Variants in ADH6 observed in about 807,000 individuals in gnomAD.
ADH6 encodes alcohol dehydrogenase 6.
ADH6 carries 34 observed loss-of-function variants against 36.5 expected under a neutral mutation model. The observed-to-expected ratio is 0.93, with a 90% CI of 0.71 to 1.24. The LOEUF (loss-of-function observed/expected upper bound fraction) is 1.24. Among genes scored for constraint, ADH6 ranks in the 50% most tolerant of loss-of-function variants. The probability of loss-of-function intolerance (pLI) is 0.00; values close to 1 mark genes in which losing one functional copy is unlikely to be tolerated. For missense variants in ADH6, 440 were observed against 447.0 expected (o/e 0.98, Z 0.14); for synonymous variants, 161 against 155.5 (o/e 1.04, Z -0.26).
chr4:99,213,726 C>T lies in ADH6; in HGVS notation c.142G>A (p.Gly48Ser), dbSNP rs1454130114. ...CTCCCCAACACTTTCATCTCTGTAC[C>T]ACACAGTCCGGTGGCCACAACCTGT... ...RIKVVATGLC[G>S]TEMKVLGSKH... The change falls in exon 3 of 9, where the codon GGT becomes AGT. Residue 48 changes from glycine (G) to serine (S), a missense_variant. Gly to Ser is a moderately conservative substitution (Grantham distance 56, BLOSUM62 0). Coordinates refer to ENST00000394899, the MANE Select transcript of ADH6 (RefSeq NM_001102470.2). 6.2e-7 allele frequency: 1 copy of T among 1,612,184 alleles called. No individual in the cohort carries two copies. Among genetic ancestry groups the T allele is most frequent in the South Asian group, 1.1e-5 (1 of 90,722 alleles).
intron 1 of ADH6, 128 bp downstream of exon 1, chr4:99,219,007 A>G (rs1337120082): frequency 1.2e-6 from 1 of 843,188 alleles, no homozygotes; most frequent in African/African-American, 1.7e-5. Flanking sequence ...GAGGAGAGAT[A>G]CTATGATTAT....
intron 1 of ADH6, among the ~76,000 whole-genome samples, chr4:99,218,009 C>A (rs1013605899): frequency 2.6e-5 from 4 of 152,172 alleles, no homozygotes; most frequent in African/African-American, 9.7e-5. Context: ...TATAAATTCT[C>A]TTTCTGTGTG....
chr4:99,207,756 C>T (rs988980692), intron 6 of ADH6, among the ~76,000 whole-genome samples, 175 bp from the exon 7 acceptor site: 9 of 151,906 alleles, frequency 5.9e-5, no homozygotes, highest in African/African-American at 1.7e-4. Context: ...ACATATAAGA[C>T]GTTGTATGTT....
intron 7 of ADH6, among the ~76,000 whole-genome samples, chr4:99,205,931 T>C (rs533294023): frequency 1.3e-5 from 2 of 152,134 alleles, no homozygotes; most frequent in Non-Finnish European, 2.9e-5. Context: ...CACAAACTCT[T>C]CTAATAGATT....
intron 7 of ADH6, among the ~76,000 whole-genome samples, chr4:99,205,738 C>T (rs1731009286): frequency 6.6e-6 from 1 of 152,054 alleles, no homozygotes; most frequent in Non-Finnish European, 1.5e-5. Context: ...AGTGAGTTAC[C>T]ACACAGACTT....
At chr4:99,217,400 C>T (rs1464431489) in intron 1 of ADH6, among the ~76,000 whole-genome samples, 5 of 152,190 alleles carry the variant, frequency 3.3e-5, no homozygotes, top group African/African-American at 9.6e-5. Flanking sequence ...TCTCTGTTAT[C>T]TATTTTCCCA....
rs1377199548 is a variant in ADH6, at chr4:99,208,894, A to G, written c.602T>C (p.Leu201Pro). The G allele has an allele frequency of 1.9e-6, 3 of 1,613,738 alleles. No individual in the cohort carries two copies. The South Asian group carries it at 3.3e-5, about 18-fold the overall frequency. Reference sequence around the variant, plus strand: ...GACAACAGACAAGCCGACTCCTCCCAGGCCAAACACAGCACAGGTAGAACC... The same window carrying G: ...GACAACAGACAAGCCGACTCCTCCCGGGCCAAACACAGCACAGGTAGAACC... ...TPGSTCAVFG[L>P]GGVGLSVVMG... is the part of the protein sequence containing the mutation. Residue 201 changes from leucine (L) to proline (P), a missense_variant, in exon 6 of 9, where the codon CTG becomes CCG. Physicochemically the swap from Leu to Pro is moderately conservative, Grantham distance 98. Transcript: ENST00000394899.
Position 99,210,170 on chromosome 4 carries a change from T to C in ADH6, c.479A>G (p.Lys160Arg), listed in dbSNP as rs779163353. 2 of 1,613,848 alleles carry C rather than the reference T, an allele frequency of 1.2e-6. No homozygotes were observed. The highest frequency in any genetic ancestry group is 1.7e-6 in the Non-Finnish European group (2 of 1,179,838). The change falls in exon 5 of 9, where the codon AAG (lysine) becomes AGG (arginine). Residue 160 changes from lysine to arginine, a missense_variant. Physicochemically the swap from Lys to Arg is conservative, Grantham distance 26. Transcript: ENST00000394899. Reference sequence around the variant, plus strand: ...CTCTAGAGGAGCGACTGCATCAATCTTGGCAACTGAGATTTCCTTTATCAC... The same window carrying C: ...CTCTAGAGGAGCGACTGCATCAATCCTGGCAACTGAGATTTCCTTTATCAC... ...YTVIKEISVA[K>R]IDAVAPLEKV...
At chr4:99,209,484 T>G (rs1489973392) in intron 5 of ADH6, among the ~76,000 whole-genome samples, 3 of 152,118 alleles carry the variant, frequency 2.0e-5, no homozygotes, top group African/African-American at 7.2e-5. Context: ...GTTCTAAAAT[T>G]CAACAGCACC....
At chr4:99,215,180 G>A (rs943725095) in intron 2 of ADH6, among the ~76,000 whole-genome samples, 1 of 152,144 alleles carries the variant, frequency 6.6e-6, no homozygotes, top group South Asian at 2.1e-4. Context: ...GAGTGGATGC[G>A]AACAACCCAA....
intron 7 of ADH6, 30 bp from the exon 8 acceptor site, chr4:99,205,093 C>A: frequency 6.5e-7 from 1 of 1,540,942 alleles, no homozygotes; most frequent in Non-Finnish European, 8.7e-7. Context: ...ATGAATTTTA[C>A]ACATGAGGCT....
Position 99,205,031 on chromosome 4 carries a change from C to A in ADH6, c.997G>T (p.Val333Phe). The change falls in exon 8 of 9, where the codon GTT (valine) becomes TTT (phenylalanine). Residue 333 changes from valine to phenylalanine, a missense_variant. Physicochemically the swap from Val to Phe is conservative, Grantham distance 50. Coordinates refer to ENST00000394899, the MANE Select transcript of ADH6 (RefSeq NM_001102470.2). ...AACTTCTCTGCCATATAATCAGCAA[C>A]CAGTTTAGGGATGTGCTGTCTGCTC... is the stretch of plus-strand genomic sequence containing the variant. The part of the protein sequence containing the change: ...WKSRQHIPKL[V>F]ADYMAEKLNL... The A allele has an allele frequency of 6.2e-7, 1 of 1,605,662 alleles. No individual in the cohort carries two copies. The highest frequency in any genetic ancestry group is 8.5e-7 in the Non-Finnish European group (1 of 1,176,110).
rs931369660 is a variant in ADH6, at chr4:99,202,729, C to T, written c.*1490G>A. 6 of 397,954 alleles carry T rather than the reference C, an allele frequency of 1.5e-5. No individual in the cohort carries two copies. The highest frequency in any genetic ancestry group is 4.4e-5 in the Admixed American group (1 of 22,684). 24.7% of individuals were successfully genotyped at this position (397,954 alleles called of 1,614,324 possible). A position where few individuals can be genotyped will look rare whatever the true frequency, so the allele number is the denominator to read the frequency against. ...GGGAAAACTTGGATTTCCCAAGACC[C>T]GAAGACTCCTCCAAGTTCTCACTGT... On this transcript the variant is annotated 3_prime_UTR_variant, in exon 9 of 9. Transcript: ENST00000394899.
intron 6 of ADH6, 87 bp downstream of exon 6, chr4:99,208,581 G>C: frequency 7.0e-7 from 1 of 1,426,778 alleles, no homozygotes; most frequent in Non-Finnish European, 9.5e-7. Context: ...GAGCAAAGTG[G>C]AGGGAATTTT....
At chr4:99,204,617 G>T in intron 8 of ADH6, 1 of 1,168,116 alleles carries the variant, frequency 8.6e-7, no homozygotes, top group Non-Finnish European at 1.1e-6. Flanking sequence ...TTAAACTTGA[G>T]CTACAATTTT....
At chr4:99,210,778 G>GT (rs1731199454) in intron 3 of ADH6, among the ~76,000 whole-genome samples, 1 of 152,232 alleles carries the variant, frequency 6.6e-6, no homozygotes, top group African/African-American at 2.4e-5. Flanking sequence ...GTATGAAATA[G>GT]TTTTTTGTCA....
Position 99,204,650 on chromosome 4 carries a change from G to A in ADH6, c.1103+275C>T, listed in dbSNP as rs1730955168. The A allele has an allele frequency of 4.2e-6, 5 of 1,190,014 alleles. No homozygotes were observed. In the South Asian group the frequency reaches 1.7e-4, roughly 42 times the overall value. 73.7% of individuals were successfully genotyped at this position (1,190,014 alleles called of 1,614,324 possible). On this transcript the variant is annotated intron_variant, in intron 8 of 8. Transcript: ENST00000394899. ...TTTATAAGCTGACTTCCATTAATAT[G>A]TCATGTAAAAAAAAAATCCATATTG...
intron 5 of ADH6, 116 bp from the exon 6 acceptor site, chr4:99,209,044 T>G: frequency 8.8e-7 from 1 of 1,131,176 alleles, no homozygotes; most frequent in Non-Finnish European, 1.2e-6. Flanking sequence ...CATAAGCAAA[T>G]GATGTTTACA....
chr4:99,212,004 A>G (rs757117464), intron 3 of ADH6, among the ~76,000 whole-genome samples: 50 of 152,160 alleles, frequency 3.3e-4, no homozygotes, highest in Non-Finnish European at 1.0e-4. Flanking sequence ...ACGTGAGCAG[A>G]AAACTCAGCC....
Sources: allele counts gnomAD v4.1 joint callset (sites outside exome capture counted in the v4.1 genomes callset), GRCh38; gene constraint gnomAD v4.1.1; transcripts MANE v1.5; gene names NCBI Gene and HGNC (gene_info 2026-07-23, HGNC 2026-07-21).